The following B4GALT6 variants were observed in gnomAD, a reference collection of about 807,000 sequenced individuals.
The protein encoded by B4GALT6 is UDP-Gal:beta-GlcNAc beta-1,4-galactosyltransferase 6.
B4GALT6 carries 14 observed loss-of-function variants against 46.3 expected under a neutral mutation model. That is an observed-to-expected ratio of 0.30 (90% CI 0.20 to 0.47). The LOEUF (loss-of-function observed/expected upper bound fraction) is 0.47. B4GALT6 is among the 20% of genes least tolerant of loss of function. The probability of loss-of-function intolerance (pLI) is 0.99; values close to 1 mark genes in which losing one functional copy is unlikely to be tolerated. For synonymous variants in B4GALT6, 168 were observed against 162.0 expected (o/e 1.04, Z -0.28); for missense variants, 386 against 480.1 (o/e 0.80, Z 1.83).
At chr18:31,638,331 T>C (rs993371699) in intron 5 of B4GALT6, among the ~76,000 whole-genome samples, 3 of 151,996 alleles carry the variant, frequency 2.0e-5, no homozygotes, top group Non-Finnish European at 2.9e-5. Flanking sequence ...ATCAAGACCA[T>C]CCTGGCTAAC....
chr18:31,636,875 G>A (rs552053006), intron 5 of B4GALT6, among the ~76,000 whole-genome samples: 6 of 152,180 alleles, frequency 3.9e-5, no homozygotes, highest in Non-Finnish European at 5.9e-5. Flanking sequence ...AGGCTGAAGC[G>A]CAGTGGCGCA....
chr18:31,692,333 A>G, the B4GALT6 span, among the ~76,000 whole-genome samples: 1 of 152,216 alleles, frequency 6.6e-6, no homozygotes, highest in South Asian at 2.1e-4. Context: ...AGCAGCATTT[A>G]AAAGTTCAAG....
the B4GALT6 span, among the ~76,000 whole-genome samples, chr18:31,705,246 A>T: frequency 1.1e-4 from 17 of 152,246 alleles, no homozygotes; most frequent in Admixed American, 3.9e-4. Context: ...ACAATAGGGT[A>T]TGTTAAAAGT....
chr18:31,672,120 AT>A (rs1359043586), intron 1 of B4GALT6, among the ~76,000 whole-genome samples: 1 of 152,230 alleles, frequency 6.6e-6, no homozygotes, highest in Non-Finnish European at 1.5e-5. Context: ...TAAGAAGAAC[AT>A]GCCTGCCTGC....
At chr18:31,665,013 T>C (rs1029937729) in intron 2 of B4GALT6, among the ~76,000 whole-genome samples, 1 of 152,238 alleles carries the variant, frequency 6.6e-6, no homozygotes, top group Non-Finnish European at 1.5e-5. Flanking sequence ...TAGAAGCACA[T>C]GTGATATTAA....
At chr18:31,709,630 T>A in the B4GALT6 span, among the ~76,000 whole-genome samples, 68,821 of 145,530 alleles carry the variant, frequency 0.47, 19,015 homozygotes, top group South Asian at 0.67. Context: ...TATGTAATCC[T>A]GCATTGATTG....
In B4GALT6 at chr18:31,638,695, A is replaced by G; in HGVS notation, c.537T>C (p.Ile179=). The stretch of plus-strand genomic sequence containing the variant: ...CCAGCCGCTGCTTCTGGAGCATTGG[A>G]ATCAGATGTAAGAAAAAAATTGGAA... ...EHLPIFFLHL[I]PMLQKQRLEF... The change falls in exon 5 of 9, where the codon ATT becomes ATC. Residue 179 remains isoleucine (I), a synonymous_variant. Coordinates refer to ENST00000306851, the MANE Select transcript of B4GALT6 (RefSeq NM_004775.5). 1 of 1,614,162 alleles carries G rather than the reference A, an allele frequency of 6.2e-7. No individual in the cohort carries two copies. The highest frequency in any genetic ancestry group is 8.5e-7 in the Non-Finnish European group (1 of 1,180,018).
chr18:31,673,025 G>A (rs1374463947), intron 1 of B4GALT6, among the ~76,000 whole-genome samples: 2 of 152,214 alleles, frequency 1.3e-5, no homozygotes, highest in Non-Finnish European at 2.9e-5. Flanking sequence ...GTCAAGGGAA[G>A]GTTTTCTGGA....
chr18:31,703,157 T>C, the B4GALT6 span, among the ~76,000 whole-genome samples: 2 of 152,150 alleles, frequency 1.3e-5, no homozygotes, highest in Non-Finnish European at 2.9e-5. Flanking sequence ...AGCATCTTGA[T>C]AGTCATCTTA....
At chr18:31,688,971 C>G (rs2030020451), upstream of B4GALT6, among the ~76,000 whole-genome samples, 1 of 152,158 alleles carries the variant, frequency 6.6e-6, no homozygotes, top group African/African-American at 2.4e-5. Context: ...ATCTTCCAAA[C>G]TTTCTTTACC....
chr18:31,661,377 CAG>C (rs1188202268), intron 2 of B4GALT6, among the ~76,000 whole-genome samples: 2 of 152,130 alleles, frequency 1.3e-5, no homozygotes, highest in Non-Finnish European at 2.9e-5. Context: ...GATTGGGACT[CAG>C]GGAGGAGTGA....
chr18:31,704,331 C>T, the B4GALT6 span, among the ~76,000 whole-genome samples: 1 of 151,774 alleles, frequency 6.6e-6, no homozygotes, highest in African/African-American at 2.4e-5. Context: ...GCCTCAGCCT[C>T]CTAAGTAGCT....
At chr18:31,645,511 A>G (rs1360178790) in intron 3 of B4GALT6, 32 bp from the exon 4 acceptor site, 1 of 1,596,840 alleles carries the variant, frequency 6.3e-7, no homozygotes, top group Non-Finnish European at 8.5e-7. Context: ...AATTGTTTTA[A>G]TATTTTTTGC....
chr18:31,631,215 T>TA (rs2073785577), intron 5 of B4GALT6, 69 bp from the exon 6 acceptor site: 1 of 1,432,018 alleles, frequency 7.0e-7, no homozygotes, highest in Non-Finnish European at 9.3e-7. Flanking sequence ...TTTTTTTTTT[T>TA]CTTTTTTTTG....
At chr18:31,638,622 C>T (rs1437288495) in intron 5 of B4GALT6, 22 bp downstream of exon 5, 11 of 1,520,528 alleles carry the variant, frequency 7.2e-6, no homozygotes. Flanking sequence ...TACTTAGTGA[C>T]CACTATGAAA....
At chr18:31,692,810 A>C in the B4GALT6 span, among the ~76,000 whole-genome samples, 3 of 152,186 alleles carry the variant, frequency 2.0e-5, no homozygotes, top group African/African-American at 7.2e-5. Flanking sequence ...CATTAGAACT[A>C]ACAGAAGAGA....
In B4GALT6 at chr18:31,628,222, T is replaced by C. The variant is rs117248716; in HGVS notation, c.777-1101A>G. 8.5e-3 allele frequency among the ~76,000 whole-genome samples: 1,296 copies of C among 152,296 alleles called. 29 individuals are homozygous for C. The East Asian group carries it at 0.098, about 12-fold the overall frequency. On this transcript the variant is annotated intron_variant, in intron 6 of 8. Transcript: ENST00000306851. The stretch of plus-strand genomic sequence containing the variant: ...GATCCTAAAGACAACCATACTCTCC[T>C]GAGACCTCTCAAGGCTCACACTTGG...
the B4GALT6 span, among the ~76,000 whole-genome samples, chr18:31,707,832 T>G: frequency 1.3e-5 from 2 of 152,180 alleles, no homozygotes; most frequent in African/African-American, 4.8e-5. Context: ...TTTCTGATAT[T>G]ATACATATAT....
rs546663020 is a variant in B4GALT6, at chr18:31,625,324, A to C, written c.*290T>G. On this transcript the variant is annotated 3_prime_UTR_variant, in exon 9 of 9. Transcript: ENST00000306851. ...TAAAAGCATTCTCTTGAATTAAATT[A>C]TAGATTTTAGTATAAAAATTTTCTC... 8.6e-5 allele frequency: 27 copies of C among 312,518 alleles called. No individual in the cohort carries two copies. The highest frequency in any genetic ancestry group is 5.8e-6 in the Non-Finnish European group (1 of 173,606). 19.4% of individuals were successfully genotyped at this position (312,518 alleles called of 1,614,324 possible).
Sources: gnomAD v4.1 joint callset for allele counts (sites outside exome capture counted in the v4.1 genomes callset) on GRCh38, gnomAD v4.1.1 for gene constraint, MANE v1.5 for transcripts, NCBI Gene and HGNC (gene_info 2026-07-23, HGNC 2026-07-21) for gene names.